Variants in CLASP1 observed in about 807,000 individuals in gnomAD.
CLASP1 encodes cytoplasmic linker associated protein 1, also known as CLIP-associating protein 1.
A neutral mutation model predicts 192.3 loss-of-function variants in CLASP1; 38 were observed. The ratio of observed to expected loss-of-function variants is 0.20; its 90% CI spans 0.15 to 0.26. The LOEUF (loss-of-function observed/expected upper bound fraction) is 0.26, where lower values mean the gene tolerates loss of function less well. CLASP1 is among the 10% of genes least tolerant of loss of function. The pLI, the probability that CLASP1 is intolerant of heterozygous loss-of-function variation, is 1.00. For synonymous variants in CLASP1, 691 were observed against 712.8 expected (o/e 0.97, Z 0.49); for missense variants, 1,433 against 1,932.5 (o/e 0.74, Z 4.85).
At chr2:121,393,306 A>G (rs762066037) in intron 30 of CLASP1, among the ~76,000 whole-genome samples, 6 of 152,206 alleles carry the variant, frequency 3.9e-5, no homozygotes, top group African/African-American at 1.4e-4. Context: ...AACTTGGTTT[A>G]AGATCACAAA....
intron 8 of CLASP1, among the ~76,000 whole-genome samples, chr2:121,477,659 A>G (rs565564528): frequency 6.6e-6 from 1 of 152,338 alleles, no homozygotes; most frequent in East Asian, 1.9e-4. Flanking sequence ...AATCTAGTCA[A>G]TTTTAAAGAC....
chr2:121,398,901 T>C lies in CLASP1; in HGVS notation c.2901-501A>G, dbSNP rs138639269. ...TGCCTGTGAGATGGCGACAAAACAT[T>C]TCCCATCCAGCTACAAATCACACAC... On this transcript the variant is annotated intron_variant, in intron 28 of 39. Coordinates refer to ENST00000263710, the Ensembl canonical transcript of CLASP1. Among the ~76,000 whole-genome samples, 708 of 152,286 alleles carry C rather than the reference T, an allele frequency of 4.6e-3. 3 individuals are homozygous for C. Among genetic ancestry groups the C allele is most frequent in the South Asian group, 1.0e-2 (48 of 4,824 alleles).
At chr2:121,576,228 A>T (rs2060509188) in intron 2 of CLASP1, among the ~76,000 whole-genome samples, 1 of 152,192 alleles carries the variant, frequency 6.6e-6, no homozygotes. Flanking sequence ...ATGGGGTGAG[A>T]GGTACAGACA....
intron 2 of CLASP1, among the ~76,000 whole-genome samples, chr2:121,590,101 T>C (rs2062209653): frequency 6.6e-6 from 1 of 152,062 alleles, no homozygotes; most frequent in Admixed American, 6.5e-5. Flanking sequence ...GCAGAAGAAA[T>C]AGTCTCCATT....
chr2:121,430,332 C>G (rs930795576), intron 19 of CLASP1, among the ~76,000 whole-genome samples, 155 bp from the exon 20 acceptor site: 9 of 152,284 alleles, frequency 5.9e-5, no homozygotes, highest in African/African-American at 2.2e-4. Flanking sequence ...AGGTCTGCCA[C>G]GTCTCCCTGT....
intron 30 of CLASP1, among the ~76,000 whole-genome samples, chr2:121,391,058 T>C (rs970300169): frequency 2.6e-5 from 4 of 152,126 alleles, no homozygotes; most frequent in South Asian, 2.1e-4. Context: ...ACTGAGAAGG[T>C]AGTTAATCAT....
In CLASP1 at chr2:121,478,665, C is replaced by CCACACACACCACA. The variant is rs1559365463; in HGVS notation, c.713-8718_713-8706dup. Among the ~76,000 whole-genome samples the CCACACACACCACA allele has an allele frequency of 1.8e-3, 168 of 95,588 alleles. 1 individual carries two copies. The highest frequency in any genetic ancestry group is 6.1e-3 in the African/African-American group (163 of 26,924). 62.7% of individuals were successfully genotyped at this position (95,588 alleles called of 152,430 possible). On this transcript the variant is annotated intron_variant, in intron 8 of 39. Transcript: ENST00000263710. ...CACACCCCCCACACACACACACCCC[C>CCACACACACCACA]CACACACACCACACACACACCCCAC...
At chr2:121,397,723 C>T (rs2075526166) in intron 29 of CLASP1, among the ~76,000 whole-genome samples, 1 of 152,224 alleles carries the variant, frequency 6.6e-6, no homozygotes, top group South Asian at 2.1e-4. Context: ...TCACCATCAA[C>T]TTCTCAACTA....
At chr2:121,562,206 A>G (rs2059148577) in intron 2 of CLASP1, among the ~76,000 whole-genome samples, 1 of 152,188 alleles carries the variant, frequency 6.6e-6, no homozygotes, top group Non-Finnish European at 1.5e-5. Flanking sequence ...GACTCCTCTG[A>G]GCAAAGCCCA....
chr2:121,545,835 T>C (rs2095317717), intron 2 of CLASP1, among the ~76,000 whole-genome samples: 1 of 151,874 alleles, frequency 6.6e-6, no homozygotes, highest in African/African-American at 2.4e-5. Context: ...CATCTTGATA[T>C]CAGAGATGGT....
chr2:121,478,351 A>G (rs956693175), intron 8 of CLASP1, among the ~76,000 whole-genome samples: 3 of 152,188 alleles, frequency 2.0e-5, no homozygotes, highest in Non-Finnish European at 4.4e-5. Context: ...CTGTAATCCC[A>G]GCACTTTGGG....
intron 19 of CLASP1, chr2:121,445,310 G>C (rs950758647): frequency 4.9e-6 from 2 of 409,494 alleles, no homozygotes; most frequent in African/African-American, 4.2e-5. Flanking sequence ...AGCAGAACAG[G>C]GCAGAGAGGA....
intron 19 of CLASP1, 76 bp downstream of exon 19, chr2:121,447,261 T>C (rs1303912044): frequency 3.8e-6 from 5 of 1,315,716 alleles, no homozygotes; most frequent in African/African-American, 3.0e-5. Context: ...ATCATGGGTT[T>C]GTATTTTGCT....
chr2:121,501,718 A>T (rs1226543908), intron 8 of CLASP1, among the ~76,000 whole-genome samples: 2 of 152,236 alleles, frequency 1.3e-5, no homozygotes, highest in African/African-American at 2.4e-5. Context: ...TACACAGCAG[A>T]GTGTGAGTCA....
At chr2:121,449,262 A>G (rs2084947848) in intron 16 of CLASP1, 142 bp from the exon 17 acceptor site, 7 of 644,830 alleles carry the variant, frequency 1.1e-5, no homozygotes, top group Non-Finnish European at 1.3e-5. Flanking sequence ...GAGGGTAAAC[A>G]AAGGAGACCT....
intron 8 of CLASP1, chr2:121,470,229 T>C (rs1361274331): frequency 2.0e-6 from 1 of 512,082 alleles, no homozygotes; most frequent in Admixed American, 2.2e-5. Context: ...GAAAACAATC[T>C]CTCATAAAAC....
intron 6 of CLASP1, among the ~76,000 whole-genome samples, chr2:121,524,459 CT>C (rs869053129): frequency 3.8e-3 from 540 of 141,528 alleles, no homozygotes; most frequent in Non-Finnish European, 4.4e-3. Context: ...ATATATTTTC[CT>C]TTTTTTTTTT....
intron 2 of CLASP1, among the ~76,000 whole-genome samples, chr2:121,562,798 G>A (rs1396529295): frequency 6.6e-6 from 1 of 152,158 alleles, no homozygotes; most frequent in Non-Finnish European, 1.5e-5. Flanking sequence ...TCCTGCTTTC[G>A]ATTTTATTCT....
chr2:121,545,929 C>T (rs1166272592), intron 2 of CLASP1, among the ~76,000 whole-genome samples: 3 of 151,690 alleles, frequency 2.0e-5, no homozygotes, highest in Non-Finnish European at 2.9e-5. Context: ...AAAAAACTTT[C>T]TTTAATTGGA....
Sources: gnomAD v4.1 joint callset for allele counts (sites outside exome capture counted in the v4.1 genomes callset) on GRCh38, gnomAD v4.1.1 for gene constraint, MANE v1.5 for transcripts, NCBI Gene and HGNC (gene_info 2026-07-23, HGNC 2026-07-21) for gene names.